Variants in THSD7A observed in about 807,000 individuals in gnomAD.
THSD7A encodes thrombospondin type-1 domain-containing protein 7A.
A neutral mutation model predicts 231.3 loss-of-function variants in THSD7A; 96 were observed. The observed-to-expected ratio is 0.41, with a 90% CI of 0.35 to 0.49. The LOEUF (loss-of-function observed/expected upper bound fraction) is 0.49, where lower values mean the gene tolerates loss of function less well. Ranked by LOEUF, THSD7A falls within the 20% of genes least tolerant of loss-of-function variation. The probability of loss-of-function intolerance (pLI) is 0.05; values close to 1 mark genes in which losing one functional copy is unlikely to be tolerated. For missense variants in THSD7A, 2,290 were observed against 2,070.2 expected (o/e 1.11, Z -2.06); for synonymous variants, 940 against 743.3 (o/e 1.26, Z -4.30).
intron 4 of THSD7A, among the ~76,000 whole-genome samples, chr7:11,587,388 G>A (rs550867101): frequency 1.8e-4 from 28 of 152,290 alleles, no homozygotes; most frequent in Admixed American, 1.2e-3. Context: ...TGATATAGTA[G>A]AAATTCTGCT....
chr7:11,680,343 T>G (rs957524579), intron 1 of THSD7A, among the ~76,000 whole-genome samples: 2 of 152,124 alleles, frequency 1.3e-5, no homozygotes, highest in African/African-American at 4.8e-5. Context: ...AAGCCAAAAT[T>G]GACAAATGGG....
chr7:11,579,638 C>T (rs756140137), intron 4 of THSD7A, among the ~76,000 whole-genome samples: 1 of 152,090 alleles, frequency 6.6e-6, no homozygotes, highest in Non-Finnish European at 1.5e-5. Flanking sequence ...AGTATCTATC[C>T]TTCCCTAATT....
In THSD7A at chr7:11,613,718, C is replaced by T. The variant is rs116586253; in HGVS notation, c.1023-20216G>A. Among the ~76,000 whole-genome samples the T allele has an allele frequency of 3.9e-3, 590 of 152,292 alleles. 6 individuals carry two copies. Among genetic ancestry groups the T allele is most frequent in the African/African-American group, 0.013 (555 of 41,558 alleles). ...AGTGAAGGATAACCCTAAACTCTGGCACAGCGCCACACTCTGGGTGAACAA... is the reference window on the plus strand; with the variant it reads ...AGTGAAGGATAACCCTAAACTCTGGTACAGCGCCACACTCTGGGTGAACAA... On this transcript the variant is annotated intron_variant, in intron 2 of 27. Coordinates refer to ENST00000423059, the MANE Select transcript of THSD7A (RefSeq NM_015204.3).
At chr7:11,765,270 C>A (rs201996812) in intron 1 of THSD7A, among the ~76,000 whole-genome samples, 1 of 151,972 alleles carries the variant, frequency 6.6e-6, no homozygotes, top group Admixed American at 6.6e-5. Flanking sequence ...ACTTGTGATG[C>A]GAATATTTAA....
chr7:11,810,079 T>A (rs1217579795), intron 1 of THSD7A, among the ~76,000 whole-genome samples: 1 of 152,062 alleles, frequency 6.6e-6, no homozygotes, highest in Non-Finnish European at 1.5e-5. Context: ...AAGAGACTGA[T>A]CAAGGAAATC....
chr7:11,454,565 CTTT>C lies in THSD7A; in HGVS notation c.2605+6094_2605+6096del, dbSNP rs200207068. 6.0e-3 allele frequency among the ~76,000 whole-genome samples: 851 copies of C among 143,000 alleles called. 6 individuals are homozygous for C. Among genetic ancestry groups the C allele is most frequent in the Admixed American group, 8.9e-3 (126 of 14,228 alleles). The allele number at this position is 143,000 out of a possible 152,430, so 93.8% of individuals were successfully genotyped here. ...CACTATGCCGTATCAGTGGTTATCT[CTTT>C]TTTTTTTTTCAATTCTTCAGTGATT... On this transcript the variant is annotated intron_variant, in intron 11 of 27. Coordinates refer to ENST00000423059, the MANE Select transcript of THSD7A (RefSeq NM_015204.3).
chr7:11,563,096 T>C (rs745673516), intron 4 of THSD7A, among the ~76,000 whole-genome samples: 1 of 152,188 alleles, frequency 6.6e-6, no homozygotes, highest in Non-Finnish European at 1.5e-5. Context: ...GCTCAAAGCT[T>C]TTTGGAGATG....
At chr7:11,484,475 C>T (rs1179296635) in intron 6 of THSD7A, among the ~76,000 whole-genome samples, 1 of 152,112 alleles carries the variant, frequency 6.6e-6, no homozygotes, top group Non-Finnish European at 1.5e-5. Context: ...TACACACTCT[C>T]CCAGTCACTT....
intron 6 of THSD7A, among the ~76,000 whole-genome samples, chr7:11,541,033 CTT>C (rs1562699974): frequency 6.6e-6 from 1 of 152,108 alleles, no homozygotes; most frequent in African/African-American, 2.4e-5. Flanking sequence ...GCTTACAACC[CTT>C]TTTTGTTTAC....
At chr7:11,667,015 G>T (rs1031642887) in intron 1 of THSD7A, among the ~76,000 whole-genome samples, 1 of 152,002 alleles carries the variant, frequency 6.6e-6, no homozygotes, top group Non-Finnish European at 1.5e-5. Flanking sequence ...ATTTGTTTAG[G>T]TTTATTCACT....
chr7:11,728,226 C>T (rs1781610635), intron 1 of THSD7A, among the ~76,000 whole-genome samples: 1 of 151,998 alleles, frequency 6.6e-6, no homozygotes, highest in Non-Finnish European at 1.5e-5. Flanking sequence ...ATTTTTAGTG[C>T]AACAATTGAT....
intron 1 of THSD7A, among the ~76,000 whole-genome samples, chr7:11,822,226 T>A (rs1443654265): frequency 6.6e-6 from 1 of 152,136 alleles, no homozygotes; most frequent in Non-Finnish European, 1.5e-5. Context: ...AAATCTCCTT[T>A]GTCTATCATT....
intron 1 of THSD7A, among the ~76,000 whole-genome samples, chr7:11,757,743 T>C (rs1262908247): frequency 6.6e-6 from 1 of 151,932 alleles, no homozygotes; most frequent in Non-Finnish European, 1.5e-5. Flanking sequence ...CATTGTAACA[T>C]GACTTATGAT....
intron 1 of THSD7A, among the ~76,000 whole-genome samples, chr7:11,731,141 C>A (rs1781718999): frequency 1.3e-5 from 2 of 151,414 alleles, no homozygotes; most frequent in African/African-American, 4.8e-5. Flanking sequence ...AGTATTTATT[C>A]CCTATATTGA....
intron 23 of THSD7A, among the ~76,000 whole-genome samples, chr7:11,396,462 A>G (rs1231041700): frequency 1.3e-5 from 2 of 152,238 alleles, no homozygotes; most frequent in Non-Finnish European, 2.9e-5. Context: ...ATCATCACCG[A>G]TCCCACAGAA....
At chr7:11,788,295 A>C (rs1218431014) in intron 1 of THSD7A, among the ~76,000 whole-genome samples, 2 of 152,040 alleles carry the variant, frequency 1.3e-5, no homozygotes, top group Non-Finnish European at 2.9e-5. Context: ...GAAATTTGAT[A>C]GTTACTCTCC....
intron 1 of THSD7A, among the ~76,000 whole-genome samples, chr7:11,662,206 A>C (rs1782953301): frequency 6.6e-6 from 1 of 151,316 alleles, no homozygotes; most frequent in Admixed American, 6.6e-5. Flanking sequence ...ACCAAAACCT[A>C]AATCTATATA....
chr7:11,427,466 T>C (rs886856650), intron 14 of THSD7A, among the ~76,000 whole-genome samples: 5 of 152,124 alleles, frequency 3.3e-5, no homozygotes, highest in African/African-American at 9.7e-5. Context: ...AAGTGACAAA[T>C]GGTTTAGGCC....
At chr7:11,510,626 G>A (rs1254264257) in intron 6 of THSD7A, among the ~76,000 whole-genome samples, 10 of 152,140 alleles carry the variant, frequency 6.6e-5, no homozygotes, top group African/African-American at 1.9e-4. Flanking sequence ...CAACATACAC[G>A]AATCAATAAA....
Sources: allele counts gnomAD v4.1 joint callset (sites outside exome capture counted in the v4.1 genomes callset), GRCh38; gene constraint gnomAD v4.1.1; transcripts MANE v1.5; gene names NCBI Gene and HGNC (gene_info 2026-07-23, HGNC 2026-07-21).